Variants in PDHX observed in about 807,000 individuals in gnomAD.
The protein encoded by PDHX is pyruvate dehydrogenase protein X component, mitochondrial.
PDHX carries 33 observed loss-of-function variants against 55.3 expected under a neutral mutation model. That is an observed-to-expected ratio of 0.60 (90% CI 0.45 to 0.80). The LOEUF (loss-of-function observed/expected upper bound fraction) is 0.80, where lower values mean the gene tolerates loss of function less well. Ranked by LOEUF, PDHX falls within the 30% of genes least tolerant of loss-of-function variation. The pLI is 0.00. For missense variants in PDHX, 622 were observed against 619.9 expected, an observed-to-expected ratio of 1.00 and a Z score of -0.04; for synonymous variants, 226 against 219.4, an observed-to-expected ratio of 1.03 and a Z score of -0.27.
intron 5 of PDHX, among the ~76,000 whole-genome samples, chr11:34,960,762 T>C (rs776109584): frequency 9.9e-5 from 15 of 152,208 alleles, no homozygotes; most frequent in South Asian, 8.3e-4. Flanking sequence ...TTAGAAGTGG[T>C]AATAAATGCA....
chr11:34,949,328 C>G (rs907501721), intron 3 of PDHX, among the ~76,000 whole-genome samples: 11 of 152,180 alleles, frequency 7.2e-5, no homozygotes, highest in African/African-American at 2.7e-4. Context: ...CAACCTCCGC[C>G]TCCTGGGTTG....
In PDHX at chr11:34,995,258, A is replaced by G; in HGVS notation, c.*86A>G. 2 of 1,416,898 alleles carry G rather than the reference A, an allele frequency of 1.4e-6. No homozygotes were observed. The highest frequency in any genetic ancestry group is 2.0e-6 in the Non-Finnish European group (2 of 1,004,526). The allele number at this position is 1,416,898 out of a possible 1,614,324, so 87.8% of individuals were successfully genotyped here. ...ATATGTTATAGGAAAACAACTTGGT[A>G]TTTAAGTATGAAGTGGATGAAATGT... On this transcript the variant is annotated 3_prime_UTR_variant, in exon 11 of 11. Transcript: ENST00000227868.
At chr11:34,945,448 AT>A in intron 2 of PDHX, among the ~76,000 whole-genome samples, 1 of 152,150 alleles carries the variant, frequency 6.6e-6, no homozygotes, top group Non-Finnish European at 1.5e-5. Flanking sequence ...CCTAGCCTTT[AT>A]ATATCTAAAG....
chr11:34,976,646 T>C (rs1398279237), intron 7 of PDHX, among the ~76,000 whole-genome samples: 1 of 152,036 alleles, frequency 6.6e-6, no homozygotes, highest in Non-Finnish European at 1.5e-5. Flanking sequence ...GGAATAAAAA[T>C]GAGTGAGTGG....
At chr11:34,956,718 T>A (rs1013498761) in intron 3 of PDHX, among the ~76,000 whole-genome samples, 1 of 152,166 alleles carries the variant, frequency 6.6e-6, no homozygotes, top group Non-Finnish European at 1.5e-5. Flanking sequence ...CTTTATTAAC[T>A]GAGACACCAC....
intron 3 of PDHX, 57 bp downstream of exon 3, chr11:34,947,663 C>G (rs372372461): frequency 1.8e-6 from 2 of 1,135,724 alleles, no homozygotes; most frequent in East Asian, 4.7e-5. Context: ...GTGGAAAGTT[C>G]ATTGTAGTAA....
intron 8 of PDHX, among the ~76,000 whole-genome samples, chr11:34,984,042 A>C (rs1590768953): frequency 6.6e-6 from 1 of 152,248 alleles, no homozygotes; most frequent in Non-Finnish European, 1.5e-5. Context: ...AGGCTACAGT[A>C]ACCAAAACAG....
intron 2 of PDHX, among the ~76,000 whole-genome samples, chr11:34,942,248 T>C (rs1382549949): frequency 6.6e-6 from 1 of 152,124 alleles, no homozygotes; most frequent in Non-Finnish European, 1.5e-5. Context: ...TGACAGAATA[T>C]GGAAAAAAAC....
At chr11:34,971,147 A>G (rs1855249660) in intron 7 of PDHX, among the ~76,000 whole-genome samples, 2 of 152,166 alleles carry the variant, frequency 1.3e-5, no homozygotes, top group South Asian at 4.1e-4. Flanking sequence ...TTTTGATTTT[A>G]TATTTCTTGT....
chr11:34,964,378 C>T (rs1434933559), intron 5 of PDHX, among the ~76,000 whole-genome samples: 2 of 152,154 alleles, frequency 1.3e-5, no homozygotes, highest in East Asian at 1.9e-4. Flanking sequence ...CCAAGGCTGG[C>T]GAATCACTTG....
In PDHX at chr11:34,961,354, A is replaced by G. The variant is rs1259909453; in HGVS notation, c.641+836A>G. Among the ~76,000 whole-genome samples, 4 of 152,216 alleles carry G rather than the reference A, an allele frequency of 2.6e-5. 1 individual carries two copies. ...CTGTTGAAACTTAGTCTAGTAGGGT[A>G]GACAAAGATTAATCAAATAGGCTTA... On this transcript the variant is annotated intron_variant, in intron 5 of 10. Coordinates refer to ENST00000227868, the MANE Select transcript of PDHX (RefSeq NM_003477.3).
chr11:34,969,240 A>C (rs1694471835), intron 6 of PDHX, among the ~76,000 whole-genome samples: 1 of 152,206 alleles, frequency 6.6e-6, no homozygotes, highest in Non-Finnish European at 1.5e-5. Flanking sequence ...TTTTAAACTT[A>C]CGATGGGTTC....
chr11:34,916,102 G>C, upstream of PDHX: 1 of 1,295,278 alleles, frequency 7.7e-7, no homozygotes, highest in Non-Finnish European at 1.0e-6. Flanking sequence ...GTAGCGAACG[G>C]CCAGGCCCGA....
intron 2 of PDHX, among the ~76,000 whole-genome samples, chr11:34,934,732 C>A (rs376547889): frequency 1.8e-3 from 268 of 151,808 alleles, no homozygotes; most frequent in African/African-American, 5.9e-3. Context: ...GCATGCGCCA[C>A]CATGCCTGGT....
At chr11:34,943,315 A>G (rs1252914328) in intron 2 of PDHX, among the ~76,000 whole-genome samples, 1 of 152,258 alleles carries the variant, frequency 6.6e-6, no homozygotes, top group African/African-American at 2.4e-5. Context: ...ATGTAGGTCA[A>G]GTTACTCAGA....
chr11:34,995,050 C>T lies in PDHX; in HGVS notation c.1384C>T (p.Gln462Ter). 6.2e-7 allele frequency: 1 copy of T among 1,614,064 alleles called. No homozygotes were observed. Among genetic ancestry groups the T allele is most frequent in the South Asian group, 1.1e-5 (1 of 91,090 alleles). ...TEDEEGNAKL[Q>*]QRQLITVTMS... is the part of the protein sequence containing the mutation. ...GGATGAAGAGGGAAATGCCAAACTG[C>T]AGCAGCGCCAGCTCATAACAGTCAC... The change falls in exon 11 of 11, where the codon CAG (glutamine) becomes TAG (stop). Residue 462 changes from glutamine (Q) to a stop codon, truncating the protein, a stop_gained. Transcript: ENST00000227868. LOFTEE classifies it high-confidence loss of function.
At chr11:34,969,605 G>C (rs929496992) in intron 6 of PDHX, among the ~76,000 whole-genome samples, 2 of 152,042 alleles carry the variant, frequency 1.3e-5, no homozygotes, top group East Asian at 3.9e-4. Context: ...GCCTCCCAAA[G>C]TAATCCTGAG....
chr11:34,916,598 G>T, upstream of PDHX: 2 of 1,592,994 alleles, frequency 1.3e-6, no homozygotes, highest in Non-Finnish European at 8.5e-7. Context: ...GCGGGAGGCG[G>T]GGCCTTGATG....
intron 10 of PDHX, 83 bp downstream of exon 10, chr11:34,992,462 C>A: frequency 1.3e-6 from 1 of 745,730 alleles, no homozygotes; most frequent in Non-Finnish European, 2.3e-6. Flanking sequence ...TTTCATTTAT[C>A]TGAAATATTT....
Sources: allele counts gnomAD v4.1 joint callset (sites outside exome capture counted in the v4.1 genomes callset), GRCh38; gene constraint gnomAD v4.1.1; transcripts MANE v1.5; gene names NCBI Gene and HGNC (gene_info 2026-07-23, HGNC 2026-07-21).